INPP4B: variants seen among roughly 807,000 people sequenced by gnomAD.
The protein encoded by INPP4B is inositol polyphosphate 4-phosphatase type II.
In INPP4B, 55 loss-of-function variants were observed where a neutral mutation model predicts 122.5. The ratio of observed to expected loss-of-function variants is 0.45; its 90% CI spans 0.36 to 0.56. The LOEUF is 0.56. Among genes scored for constraint, INPP4B ranks in the 20% least tolerant of loss-of-function variants. INPP4B has a pLI of 0.00. For synonymous variants in INPP4B, 403 were observed against 388.7 expected, an observed-to-expected ratio of 1.04 and a Z score of -0.43; for missense variants, 1,000 against 1,097.7, an observed-to-expected ratio of 0.91 and a Z score of 1.26.
chr4:142,521,513 G>A (rs1826062215), intron 2 of INPP4B, among the ~76,000 whole-genome samples: 1 of 151,864 alleles, frequency 6.6e-6, no homozygotes, highest in African/African-American at 2.4e-5. Flanking sequence ...AACAAGTACT[G>A]GCCACATTAA....
At chr4:142,450,475 A>T (rs1813892431) in intron 3 of INPP4B, among the ~76,000 whole-genome samples, 1 of 152,204 alleles carries the variant, frequency 6.6e-6, no homozygotes, top group Non-Finnish European at 1.5e-5. Flanking sequence ...AATACCATTG[A>T]CTAGAACATC....
At chr4:142,560,411 G>A (rs190594161) in intron 2 of INPP4B, 160 of 152,282 alleles carry the variant, frequency 1.1e-3, no homozygotes, top group African/African-American at 3.6e-3. Flanking sequence ...GAACTAATAG[G>A]ATAGATGTAC....
intron 7 of INPP4B, among the ~76,000 whole-genome samples, chr4:142,333,758 A>G (rs1775564646): frequency 6.6e-6 from 1 of 152,160 alleles, no homozygotes; most frequent in Non-Finnish European, 1.5e-5. Context: ...GACAATAAAA[A>G]TTAAATACAG....
chr4:142,774,152 T>C (rs1397325125), intron 1 of INPP4B, among the ~76,000 whole-genome samples: 1 of 152,090 alleles, frequency 6.6e-6, no homozygotes, highest in African/African-American at 2.4e-5. Flanking sequence ...CTATCCAGAC[T>C]GTGTAATTCC....
At chr4:142,054,126 C>G (rs898460586) in intron 25 of INPP4B, among the ~76,000 whole-genome samples, 2 of 151,986 alleles carry the variant, frequency 1.3e-5, no homozygotes. Flanking sequence ...TTATACAGGT[C>G]ATTTAAAAAA....
intron 2 of INPP4B, among the ~76,000 whole-genome samples, chr4:142,555,011 A>T (rs1201792198): frequency 6.6e-6 from 1 of 152,146 alleles, no homozygotes; most frequent in Non-Finnish European, 1.5e-5. Flanking sequence ...GGCCTGGGGG[A>T]TGGCAAGCGA....
intron 23 of INPP4B, among the ~76,000 whole-genome samples, chr4:142,088,207 G>A (rs1220721866): frequency 6.6e-6 from 1 of 152,166 alleles, no homozygotes; most frequent in Non-Finnish European, 1.5e-5. Context: ...GCCTTGAAGG[G>A]AGTTATAAAA....
chr4:142,316,386 C>T (rs6817826), intron 7 of INPP4B, among the ~76,000 whole-genome samples: 18,387 of 152,126 alleles, frequency 0.12, 1,345 homozygotes, highest in Middle Eastern at 0.2. Context: ...GGAAACTATA[C>T]GCAAATAGTG....
intron 9 of INPP4B, among the ~76,000 whole-genome samples, chr4:142,292,468 C>T (rs563267770): frequency 1.3e-5 from 2 of 152,280 alleles, no homozygotes; most frequent in African/African-American, 4.8e-5. Context: ...CCATTAGAGA[C>T]CATCTCTGTT....
chr4:142,032,087 G>A (rs1404609227), intron 25 of INPP4B, among the ~76,000 whole-genome samples: 1 of 152,188 alleles, frequency 6.6e-6, no homozygotes, highest in African/African-American at 2.4e-5. Flanking sequence ...ATCACAGATT[G>A]AAGATAGAAA....
intron 1 of INPP4B, among the ~76,000 whole-genome samples, chr4:142,799,628 C>A (rs1580944506): frequency 6.6e-6 from 1 of 151,328 alleles, no homozygotes; most frequent in Non-Finnish European, 1.5e-5. Context: ...GAGATAATAA[C>A]CCTCATAATT....
intron 2 of INPP4B, among the ~76,000 whole-genome samples, chr4:142,545,776 T>A: frequency 7.1e-6 from 1 of 140,648 alleles, no homozygotes; most frequent in Non-Finnish European, 1.5e-5. Flanking sequence ...TGTGTATATA[T>A]ATACACATAT....
chr4:142,575,828 TTACACTCTACCATTA>T (rs1338755747), intron 2 of INPP4B, among the ~76,000 whole-genome samples: 4 of 152,062 alleles, frequency 2.6e-5, no homozygotes, highest in Non-Finnish European at 5.9e-5. Flanking sequence ...GCTATGATAA[TTACACTCTACCATTA>T]CATCCTTTTT....
intron 12 of INPP4B, among the ~76,000 whole-genome samples, chr4:142,215,855 T>C (rs1338205688): frequency 8.5e-6 from 1 of 117,770 alleles, no homozygotes; most frequent in Non-Finnish European, 1.6e-5. Flanking sequence ...ATTGTGCCAC[T>C]ACACTCCAGC....
At position 142,234,699 on chromosome 4, in the gene INPP4B, A is replaced by G. The variant is rs115651352; in HGVS notation, c.836+3165T>C. On this transcript the variant is annotated intron_variant, in intron 12 of 25. Coordinates refer to ENST00000262992, the MANE Select transcript of INPP4B (RefSeq NM_001101669.3). ...AGACCCTGGTGAATTTTTGGAATCT[A>G]TCAGGCTTTTATACCTTTTGTTTTT... Among the ~76,000 whole-genome samples, 705 of 152,352 alleles carry G rather than the reference A, an allele frequency of 4.6e-3. 7 individuals carry two copies. Among genetic ancestry groups the G allele is most frequent in the African/African-American group, 0.016 (678 of 41,578 alleles).
rs1553997283 is a variant in INPP4B, at chr4:142,720,731, C to CATATATATATATACATATATATATAA, written c.-191+5107_-191+5108insTTATATATATATGTATATATATATAT. On this transcript the variant is annotated intron_variant, in intron 2 of 25. Transcript: ENST00000262992. ...CCAACTGTATATGTGTATATATATA[C>CATATATATATATACATATATATATAA]ATATATATATATATATACATATATA... is the stretch of plus-strand genomic sequence containing the variant. Among the ~76,000 whole-genome samples the CATATATATATATACATATATATATAA allele has an allele frequency of 2.4e-3, 51 of 21,158 alleles. 1 individual carries two copies. In the Middle Eastern group the frequency reaches 0.087, roughly 36 times the overall value. The allele number at this position is 21,158 out of a possible 152,430, so 13.9% of individuals were successfully genotyped here.
intron 12 of INPP4B, among the ~76,000 whole-genome samples, chr4:142,235,385 T>C (rs1325997623): frequency 1.3e-5 from 2 of 151,118 alleles, no homozygotes; most frequent in Non-Finnish European, 2.9e-5. Flanking sequence ...TGTTAATGAA[T>C]ATATGTTAAT....
In INPP4B at chr4:142,286,138, C is replaced by A. The variant is rs182639764; in HGVS notation, c.504-15364G>T. Among the ~76,000 whole-genome samples, 75 of 152,226 alleles carry A rather than the reference C, an allele frequency of 4.9e-4. 1 individual carries two copies. Among genetic ancestry groups the A allele is most frequent in the Middle Eastern group, 6.8e-3 (2 of 294 alleles). On this transcript the variant is annotated intron_variant, in intron 9 of 25. Coordinates refer to ENST00000262992, the MANE Select transcript of INPP4B (RefSeq NM_001101669.3). ...TACTCAGCTACGTGGAAACAGTATT[C>A]CGCTTTAATTCATGTTAAATAGATT... is the stretch of plus-strand genomic sequence containing the variant.
At chr4:142,054,971 G>A (rs1011279594) in intron 25 of INPP4B, among the ~76,000 whole-genome samples, 3 of 152,034 alleles carry the variant, frequency 2.0e-5, no homozygotes, top group African/African-American at 7.2e-5. Context: ...ACTAAAGATT[G>A]CCTACTAAGA....
Sources: gnomAD v4.1 joint callset for allele counts (sites outside exome capture counted in the v4.1 genomes callset) on GRCh38, gnomAD v4.1.1 for gene constraint, MANE v1.5 for transcripts, NCBI Gene and HGNC (gene_info 2026-07-23, HGNC 2026-07-21) for gene names.